The following BLK variants were observed in gnomAD, a reference collection of about 807,000 sequenced individuals.
BLK encodes BLK proto-oncogene, Src family tyrosine kinase, also known as tyrosine-protein kinase Blk.
In BLK, 64 loss-of-function variants were observed where a neutral mutation model predicts 61.8. That is an observed-to-expected ratio of 1.03 (90% confidence interval 0.85 to 1.27). BLK has a LOEUF of 1.27. BLK is among the 50% of genes most tolerant of loss of function. The probability of loss-of-function intolerance (pLI) is 0.00; values close to 1 mark genes in which losing one functional copy is unlikely to be tolerated. For missense variants in BLK, 853 were observed against 660.5 expected (o/e 1.29, Z -3.19); for synonymous variants, 351 against 272.0 (o/e 1.29, Z -2.86).
intron 1 of BLK, among the ~76,000 whole-genome samples, chr8:11,539,989 G>C (rs914636806): frequency 6.6e-6 from 1 of 152,060 alleles, no homozygotes; most frequent in Non-Finnish European, 1.5e-5. Flanking sequence ...CCAATCTATT[G>C]CTTATCTACG....
intron 1 of BLK, among the ~76,000 whole-genome samples, chr8:11,510,167 C>T (rs1563426058): frequency 6.6e-6 from 1 of 152,156 alleles, no homozygotes; most frequent in South Asian, 2.1e-4. Context: ...TTTCCTAATC[C>T]CTTCAAGGAA....
chr8:11,500,494 C>T (rs986294609), intron 1 of BLK, among the ~76,000 whole-genome samples: 1 of 151,784 alleles, frequency 6.6e-6, no homozygotes, highest in Non-Finnish European at 1.5e-5. Context: ...CTGCACCTGG[C>T]CTGTTTTTTT....
chr8:11,559,117 C>A (rs1585418911), intron 10 of BLK: 4 of 403,662 alleles, frequency 9.9e-6, no homozygotes, highest in Admixed American at 2.7e-5. Flanking sequence ...CCCCACTACA[C>A]CCCCTTGGGA....
chr8:11,526,174 C>A (rs937501200), intron 1 of BLK, among the ~76,000 whole-genome samples: 2 of 152,226 alleles, frequency 1.3e-5, no homozygotes, highest in East Asian at 1.9e-4. Flanking sequence ...GCAGAATGCA[C>A]TTCATCATGC....
chr8:11,558,529 C>G (rs1196484802), intron 10 of BLK: 4 of 406,926 alleles, frequency 9.8e-6, no homozygotes, highest in Non-Finnish European at 2.0e-5. Flanking sequence ...GAGCTACACA[C>G]AGATGCCAGG....
At chr8:11,560,549 C>T (rs981492062) in intron 10 of BLK, 26 of 284,662 alleles carry the variant, frequency 9.1e-5, no homozygotes, top group African/African-American at 5.3e-4. Flanking sequence ...TCAGTTTCTT[C>T]GTCCATTGAT....
chr8:11,536,175 T>C (rs1256782018), intron 1 of BLK, among the ~76,000 whole-genome samples: 3 of 152,236 alleles, frequency 2.0e-5, no homozygotes, highest in Admixed American at 1.3e-4. Context: ...ATTGGGGTTA[T>C]GTGAGCAAAT....
intron 1 of BLK, among the ~76,000 whole-genome samples, chr8:11,542,000 A>G (rs189930606): frequency 6.6e-6 from 1 of 152,318 alleles, no homozygotes; most frequent in East Asian, 1.9e-4. Context: ...GAAAAAACAT[A>G]CTTGTGAATT....
intron 3 of BLK, among the ~76,000 whole-genome samples, chr8:11,547,808 T>C (rs968886591): frequency 2.0e-5 from 3 of 152,054 alleles, no homozygotes; most frequent in Non-Finnish European, 4.4e-5. Flanking sequence ...GTCCAGGTCA[T>C]AGGGCTTCTT....
At chr8:11,526,550 C>T (rs1799658470) in intron 1 of BLK, among the ~76,000 whole-genome samples, 1 of 152,132 alleles carries the variant, frequency 6.6e-6, no homozygotes, top group Admixed American at 6.5e-5. Flanking sequence ...GAAACCCCAT[C>T]TCTAATACAA....
chr8:11,506,968 G>A (rs1009796245), intron 1 of BLK, among the ~76,000 whole-genome samples: 1 of 152,226 alleles, frequency 6.6e-6, no homozygotes, highest in African/African-American at 2.4e-5. Flanking sequence ...CTGCTTTCCT[G>A]TGACAATGGG....
chr8:11,557,299 G>C (rs754807434), intron 9 of BLK, among the ~76,000 whole-genome samples: 1 of 152,224 alleles, frequency 6.6e-6, no homozygotes, highest in Non-Finnish European at 1.5e-5. Flanking sequence ...GCGTGGCCAA[G>C]TTCTCATGCC....
intron 1 of BLK, among the ~76,000 whole-genome samples, chr8:11,501,355 CTTT>C (rs34735987): frequency 4.1e-5 from 6 of 145,464 alleles, no homozygotes; most frequent in Admixed American, 6.8e-5. Flanking sequence ...AACTCTCTCT[CTTT>C]TTTTTTTTTT....
intron 1 of BLK, among the ~76,000 whole-genome samples, chr8:11,495,470 G>A (rs1798329753): frequency 6.6e-6 from 1 of 152,192 alleles, no homozygotes. Flanking sequence ...GCTTCACCAA[G>A]GGACCAAGCT....
In BLK at chr8:11,541,530, C is replaced by G. The variant is rs184895323; in HGVS notation, c.-1-1694C>G. On this transcript the variant is annotated intron_variant, in intron 1 of 12. Transcript: ENST00000259089. ...TTTTTTTTTTCGAGATGGAGTCTCACTCTGTTGCCCAGGCTGGAGTGCAAT... is the reference window on the plus strand; with the variant it reads ...TTTTTTTTTTCGAGATGGAGTCTCAGTCTGTTGCCCAGGCTGGAGTGCAAT... 1.4e-3 allele frequency among the ~76,000 whole-genome samples: 212 copies of G among 150,558 alleles called. 1 individual carries two copies. Among genetic ancestry groups the G allele is most frequent in the African/African-American group, 4.8e-3 (196 of 41,074 alleles).
At chr8:11,528,276 A>T (rs2264908) in intron 1 of BLK, among the ~76,000 whole-genome samples, 2,597 of 152,084 alleles carry the variant, frequency 0.017, 44 homozygotes, top group African/African-American at 0.045. Context: ...AGCTCAAGTG[A>T]TCTCCCACCT....
intron 1 of BLK, among the ~76,000 whole-genome samples, chr8:11,497,779 C>T (rs1159518505): frequency 6.6e-6 from 1 of 152,176 alleles, no homozygotes; most frequent in Admixed American, 6.5e-5. Flanking sequence ...TTGACAGGAC[C>T]CTTGGAAGAA....
intron 11 of BLK, 60 bp downstream of exon 11, chr8:11,561,512 AG>A (rs1313340334): frequency 1.3e-6 from 2 of 1,584,972 alleles, no homozygotes; most frequent in African/African-American, 1.3e-5. Context: ...AGCTCCTCAA[AG>A]CCGCCTTTAA....
intron 1 of BLK, among the ~76,000 whole-genome samples, chr8:11,512,402 C>T (rs974557592): frequency 6.6e-6 from 1 of 152,354 alleles, no homozygotes; most frequent in East Asian, 1.9e-4. Context: ...CCTGAAATCA[C>T]TCTGACGACA....
Sources: gnomAD v4.1 joint callset for allele counts (sites outside exome capture counted in the v4.1 genomes callset) on GRCh38, gnomAD v4.1.1 for gene constraint, MANE v1.5 for transcripts, NCBI Gene and HGNC (gene_info 2026-07-23, HGNC 2026-07-21) for gene names.